PCDH15: variants seen among roughly 807,000 people sequenced by gnomAD.
PCDH15 encodes the protein protocadherin related 15.
PCDH15 carries 129 observed loss-of-function variants against 178.5 expected under a neutral mutation model. That is an observed-to-expected ratio of 0.72 (90% CI 0.63 to 0.84). The LOEUF is 0.84. Ranked by LOEUF, PCDH15 falls within the 40% of genes least tolerant of loss-of-function variation. PCDH15 has a pLI of 0.00. For missense variants in PCDH15, 2,230 were observed against 2,099.9 expected, an observed-to-expected ratio of 1.06 and a Z score of -1.21; for synonymous variants, 800 against 732.0, an observed-to-expected ratio of 1.09 and a Z score of -1.50.
chr10:54,910,023 G>T (rs1954792296), intron 2 of PCDH15, among the ~76,000 whole-genome samples: 1 of 152,168 alleles, frequency 6.6e-6, no homozygotes, highest in Admixed American at 6.5e-5. Flanking sequence ...GGGGAGCAAA[G>T]TTGAGGCCAT....
At chr10:54,450,534 G>T (rs1254718248) in intron 3 of PCDH15, among the ~76,000 whole-genome samples, 1 of 151,122 alleles carries the variant, frequency 6.6e-6, no homozygotes, top group African/African-American at 2.4e-5. Flanking sequence ...AATTTCTAAA[G>T]CAGGCTGGTC....
At chr10:54,661,948 A>C (rs11004438) in intron 2 of PCDH15, among the ~76,000 whole-genome samples, 2,643 of 152,098 alleles carry the variant, frequency 0.017, 40 homozygotes, top group South Asian at 0.029. Flanking sequence ...AACTATAGAG[A>C]TCATAGAATA....
At chr10:54,512,393 GTGTGTGTGTA>G in intron 3 of PCDH15, among the ~76,000 whole-genome samples, 1 of 142,408 alleles carries the variant, frequency 7.0e-6, no homozygotes, top group South Asian at 2.4e-4. Context: ...GTGTGTGTGT[GTGTGTGTGTA>G]TTATTGGGGG....
At chr10:55,603,181 T>C (rs1256203044) in intron 2 of PCDH15, among the ~76,000 whole-genome samples, 1 of 151,546 alleles carries the variant, frequency 6.6e-6, no homozygotes, top group Non-Finnish European at 1.5e-5. Flanking sequence ...GAAGGGAAGT[T>C]TAGAGAAAAA....
chr10:54,025,266 T>G (rs1172630164), intron 18 of PCDH15, among the ~76,000 whole-genome samples: 1 of 152,122 alleles, frequency 6.6e-6, no homozygotes, highest in Non-Finnish European at 1.5e-5. Flanking sequence ...ACAAAACAAG[T>G]TCATTATTTT....
chr10:54,845,893 A>G (rs1435387750), intron 3 of PCDH15, among the ~76,000 whole-genome samples: 1 of 152,132 alleles, frequency 6.6e-6, no homozygotes, highest in Non-Finnish European at 1.5e-5. Flanking sequence ...ACCACATCCA[A>G]TGCCTATGAA....
chr10:55,212,042 A>T (rs922488529), intron 1 of PCDH15, among the ~76,000 whole-genome samples: 2 of 152,080 alleles, frequency 1.3e-5, no homozygotes, highest in African/African-American at 4.8e-5. Flanking sequence ...GTGCCAATAG[A>T]AAACAGCTAC....
intron 18 of PCDH15, among the ~76,000 whole-genome samples, chr10:54,026,279 A>G (rs953371625): frequency 2.0e-5 from 3 of 151,980 alleles, no homozygotes; most frequent in Non-Finnish European, 4.4e-5. Context: ...CTTGTTGCCC[A>G]GGTCAGTTTT....
intron 32 of PCDH15, chr10:53,823,567 A>C: frequency 7.4e-6 from 5 of 676,996 alleles, no homozygotes; most frequent in Non-Finnish European, 1.1e-5. Context: ...GAAGAATGAG[A>C]AATGTAAATG....
intron 2 of PCDH15, among the ~76,000 whole-genome samples, chr10:55,420,201 T>A (rs1396098562): frequency 2.0e-5 from 3 of 151,734 alleles, no homozygotes; most frequent in Non-Finnish European, 3.0e-5. Flanking sequence ...AAAATTTGTG[T>A]GTCAATAAAG....
chr10:54,062,058 C>T (rs951169648), intron 18 of PCDH15, among the ~76,000 whole-genome samples: 1 of 151,616 alleles, frequency 6.6e-6, no homozygotes, highest in Non-Finnish European at 1.5e-5. Flanking sequence ...AAACCTGTCT[C>T]TACTAAAAGT....
chr10:54,094,395 T>C (rs1167174716), intron 15 of PCDH15, among the ~76,000 whole-genome samples: 1 of 152,194 alleles, frequency 6.6e-6, no homozygotes, highest in Non-Finnish European at 1.5e-5. Flanking sequence ...ATAGAAGTGA[T>C]CATGACAGAC....
intron 2 of PCDH15, among the ~76,000 whole-genome samples, chr10:54,965,325 G>C (rs1433971542): frequency 6.6e-6 from 1 of 152,054 alleles, no homozygotes; most frequent in East Asian, 1.9e-4. Flanking sequence ...ACTGAATCAT[G>C]GGGGTGGATT....
chr10:54,680,073 C>T (rs973525849), intron 1 of PCDH15, among the ~76,000 whole-genome samples: 6 of 152,154 alleles, frequency 3.9e-5, no homozygotes, highest in Admixed American at 2.0e-4. Flanking sequence ...AGCTTCTTTA[C>T]AGATTTTGCT....
At chr10:55,428,156 G>A (rs932564039) in intron 2 of PCDH15, among the ~76,000 whole-genome samples, 15 of 151,932 alleles carry the variant, frequency 9.9e-5, no homozygotes, top group African/African-American at 3.6e-4. Flanking sequence ...TAATCAATTA[G>A]TGTTTGACCT....
At chr10:54,763,085 C>A (rs574252054) in intron 1 of PCDH15, among the ~76,000 whole-genome samples, 2 of 152,234 alleles carry the variant, frequency 1.3e-5, no homozygotes, top group East Asian at 3.9e-4. Context: ...GACACTATTT[C>A]ATTTGTCTTC....
At chr10:54,593,762 G>A (rs924431471) in intron 2 of PCDH15, among the ~76,000 whole-genome samples, 3 of 152,024 alleles carry the variant, frequency 2.0e-5, no homozygotes, top group African/African-American at 7.2e-5. Context: ...ATTCCTTTTG[G>A]CTAGCATGGC....
chr10:54,501,447 T>C (rs1202541139), intron 3 of PCDH15, among the ~76,000 whole-genome samples: 2 of 152,064 alleles, frequency 1.3e-5, no homozygotes, highest in African/African-American at 2.4e-5. Flanking sequence ...ACTTGTAAAA[T>C]AAACACCACA....
chr10:55,391,063 C>G (rs1837781135), intron 2 of PCDH15, among the ~76,000 whole-genome samples: 1 of 152,190 alleles, frequency 6.6e-6, no homozygotes, highest in Admixed American at 6.5e-5. Context: ...GACTTCTCCT[C>G]TCTAGCTATG....
Sources: allele counts gnomAD v4.1 joint callset (sites outside exome capture counted in the v4.1 genomes callset), GRCh38; gene constraint gnomAD v4.1.1; transcripts MANE v1.5; gene names NCBI Gene and HGNC (gene_info 2026-07-23, HGNC 2026-07-21).